The following GALNT3 variants were observed in gnomAD, a reference collection of about 807,000 sequenced individuals.
GALNT3 encodes the protein polypeptide N-acetylgalactosaminyltransferase 3.
A neutral mutation model predicts 69.8 loss-of-function variants in GALNT3; 51 were observed. That is an observed-to-expected ratio of 0.73 (90% CI 0.58 to 0.92). The LOEUF (loss-of-function observed/expected upper bound fraction) is 0.92, where lower values mean the gene tolerates loss of function less well. Among genes scored for constraint, GALNT3 ranks in the 40% least tolerant of loss-of-function variants. The pLI, the probability that GALNT3 is intolerant of heterozygous loss-of-function variation, is 0.00. For missense variants in GALNT3, 711 were observed against 760.0 expected (o/e 0.94, Z 0.76); for synonymous variants, 265 against 248.5 (o/e 1.07, Z -0.63).
intron 6 of GALNT3, among the ~76,000 whole-genome samples, chr2:165,757,551 C>T (rs1434925391): frequency 6.6e-6 from 1 of 152,164 alleles, no homozygotes; most frequent in East Asian, 1.9e-4. Context: ...TGTAAGTTCT[C>T]TAATATGCAC....
chr2:165,749,036 C>T lies in GALNT3; in HGVS notation c.1780-133G>A. On this transcript the variant is annotated intron_variant, in intron 10 of 10. Coordinates refer to ENST00000392701, the MANE Select transcript of GALNT3 (RefSeq NM_004482.4). Reference sequence around the variant, plus strand: ...TCTAAGGTGAGCCATGTCTGATAAACTCTTTTTGGCTTCTAGTGTAAATGC... The same window carrying T: ...TCTAAGGTGAGCCATGTCTGATAAATTCTTTTTGGCTTCTAGTGTAAATGC... The T allele has an allele frequency of 3.4e-6, 3 of 893,142 alleles. No homozygotes were observed. In the South Asian group the frequency reaches 4.7e-5, roughly 14 times the overall value. The allele number at this position is 893,142 out of a possible 1,614,324, so 55.3% of individuals were successfully genotyped here.
intron 9 of GALNT3, among the ~76,000 whole-genome samples, chr2:165,751,607 T>C (rs1473583910): frequency 4.6e-5 from 7 of 152,158 alleles, no homozygotes; most frequent in African/African-American, 1.7e-4. Context: ...AAAGAGCACA[T>C]AATTGGATAA....
At chr2:165,764,803 G>A (rs2059432) in intron 3 of GALNT3, 81 bp downstream of exon 3, 1 of 1,390,928 alleles carries the variant, frequency 7.2e-7, no homozygotes, top group Non-Finnish European at 1.0e-6. Flanking sequence ...ATGGCATACA[G>A]AGAGTACCAC....
Position 165,758,846 on chromosome 2 carries a change from TC to T in GALNT3, c.1091del (p.Gly364GlufsTer29). The stretch of plus-strand genomic sequence containing the variant: ...ATTCTTTTGATATGGAAAAAAGTCC[TC>T]CTGCAAAAGTGGGTGTTCTGAAAAA... ...TYPIKTPTFA[G>X]GLFSISKEYF... On this transcript the variant is annotated frameshift_variant, in exon 6 of 11. Transcript: ENST00000392701. LOFTEE classifies it high-confidence loss of function. 1 of 1,608,412 alleles carries T rather than the reference TC, an allele frequency of 6.2e-7. No homozygotes were observed. The highest frequency in any genetic ancestry group is 8.5e-7 in the Non-Finnish European group (1 of 1,175,044).
At chr2:165,784,510 G>A (rs1683179546) in intron 1 of GALNT3, among the ~76,000 whole-genome samples, 1 of 152,158 alleles carries the variant, frequency 6.6e-6, no homozygotes, top group Admixed American at 6.5e-5. Context: ...TACAGAGGTT[G>A]TTAAGTTGTG....
intron 1 of GALNT3, among the ~76,000 whole-genome samples, chr2:165,784,216 T>C (rs1683174274): frequency 6.6e-6 from 1 of 152,158 alleles, no homozygotes; most frequent in Non-Finnish European, 1.5e-5. Context: ...GGGTGCTTAA[T>C]TCAGTGGGAT....
chr2:165,775,486 A>C (rs1394563919), intron 1 of GALNT3, among the ~76,000 whole-genome samples: 1 of 152,174 alleles, frequency 6.6e-6, no homozygotes, highest in South Asian at 2.1e-4. Context: ...TTCTGAAGGG[A>C]TTAATCTTCT....
intron 2 of GALNT3, among the ~76,000 whole-genome samples, chr2:165,765,745 C>T (rs185769874): frequency 2.6e-5 from 4 of 152,100 alleles, no homozygotes; most frequent in Admixed American, 2.6e-4. Flanking sequence ...GCCTAGGCCT[C>T]CCAAAGTGCT....
rs886055012 is a variant in GALNT3 at position 165,748,462 on chromosome 2, T to G, written c.*319A>C. The G allele has an allele frequency of 3.8e-6, 1 of 261,548 alleles. No homozygotes were observed. The highest frequency in any genetic ancestry group is 7.0e-5 in the East Asian group (1 of 14,256). 16.2% of individuals were successfully genotyped at this position (261,548 alleles called of 1,614,324 possible). A position where few individuals can be genotyped will look rare whatever the true frequency, so the allele number is the denominator to read the frequency against. ...TAAATTGTGAGTGTGTGAATGTAGC[T>G]ATATATATATATCCCTAAGTGTACA... On this transcript the variant is annotated 3_prime_UTR_variant, in exon 11 of 11. Coordinates refer to ENST00000392701, the MANE Select transcript of GALNT3 (RefSeq NM_004482.4).
chr2:165,790,514 AT>A (rs1205751763), intron 1 of GALNT3, among the ~76,000 whole-genome samples: 1 of 152,214 alleles, frequency 6.6e-6, no homozygotes, highest in Non-Finnish European at 1.5e-5. Context: ...TTTTATATCT[AT>A]AAAGTATCTA....
chr2:165,780,630 A>G (rs1683082118), intron 1 of GALNT3, among the ~76,000 whole-genome samples: 1 of 151,594 alleles, frequency 6.6e-6, no homozygotes, highest in Non-Finnish European at 1.5e-5. Context: ...TCTGCAAATC[A>G]GGTTTGAGGG....
chr2:165,758,753 A>G lies in GALNT3; in HGVS notation c.1185T>C (p.Ser395=). ...EIWGGENIEM[S]FRVWQCGGQL... ...TTAATTTCCATAAACTTACTCTGAA[A>G]GACATTTCTATATTTTCACCTCCCC... The change falls in exon 6 of 11, where the codon TCT becomes TCC. Residue 395 remains serine (S), a synonymous_variant. Coordinates refer to ENST00000392701, the MANE Select transcript of GALNT3 (RefSeq NM_004482.4). 6.5e-7 allele frequency: 1 copy of G among 1,532,902 alleles called. No individual in the cohort carries two copies. The highest frequency in any genetic ancestry group is 9.0e-7 in the Non-Finnish European group (1 of 1,106,298). The allele number at this position is 1,532,902 out of a possible 1,614,324, so 95.0% of individuals were successfully genotyped here.
chr2:165,761,028 T>TA (rs1574000689), intron 4 of GALNT3, among the ~76,000 whole-genome samples: 3 of 151,772 alleles, frequency 2.0e-5, no homozygotes. Flanking sequence ...TAACCTGGCA[T>TA]AAAAAGTATA....
In GALNT3 at chr2:165,748,191, T is replaced by C. The variant is rs956194519; in HGVS notation, c.*590A>G. The C allele has an allele frequency of 5.2e-6, 1 of 193,600 alleles. No individual in the cohort carries two copies. Among genetic ancestry groups the C allele is most frequent in the Non-Finnish European group, 1.1e-5 (1 of 92,990 alleles). The allele number at this position is 193,600 out of a possible 1,614,324, so 12.0% of individuals were successfully genotyped here. Reference sequence around the variant, plus strand: ...AAATGTTTTAAAATTTGCCAAGAAATTTAAGTGTTAAAAATACTCTTCTCC... The same window carrying C: ...AAATGTTTTAAAATTTGCCAAGAAACTTAAGTGTTAAAAATACTCTTCTCC... On this transcript the variant is annotated 3_prime_UTR_variant, in exon 11 of 11. Coordinates refer to ENST00000392701, the MANE Select transcript of GALNT3 (RefSeq NM_004482.4).
intron 9 of GALNT3, among the ~76,000 whole-genome samples, chr2:165,750,380 C>T (rs930683970): frequency 1.3e-5 from 2 of 152,134 alleles, no homozygotes; most frequent in Admixed American, 6.5e-5. Flanking sequence ...TGGGTTAATA[C>T]GCATAATACA....
At chr2:165,768,571 A>C (rs1002685336) in intron 2 of GALNT3, among the ~76,000 whole-genome samples, 2 of 152,216 alleles carry the variant, frequency 1.3e-5, no homozygotes, top group African/African-American at 4.8e-5. Context: ...TGAATCAATC[A>C]GATTAGAATA....
intron 1 of GALNT3, among the ~76,000 whole-genome samples, chr2:165,793,217 T>C (rs996895273): frequency 3.2e-4 from 49 of 152,280 alleles, no homozygotes; most frequent in Admixed American, 3.1e-3. Context: ...ACAATGTTTT[T>C]TTGAACCTTT....
intron 1 of GALNT3, among the ~76,000 whole-genome samples, chr2:165,781,833 A>G (rs2105226478): frequency 6.6e-6 from 1 of 152,350 alleles, no homozygotes; most frequent in East Asian, 1.9e-4. Flanking sequence ...GAATTGATCT[A>G]GCCCTGAGGC....
intron 1 of GALNT3, among the ~76,000 whole-genome samples, chr2:165,784,568 C>G (rs1683180527): frequency 2.0e-5 from 3 of 151,992 alleles, no homozygotes; most frequent in Admixed American, 2.0e-4. Context: ...TGCTAGCTAG[C>G]TAGGTGCTTG....
Sources: gnomAD v4.1 joint callset for allele counts (sites outside exome capture counted in the v4.1 genomes callset) on GRCh38, gnomAD v4.1.1 for gene constraint, MANE v1.5 for transcripts, NCBI Gene and HGNC (gene_info 2026-07-23, HGNC 2026-07-21) for gene names.